NTN1: variants seen among roughly 807,000 people sequenced by gnomAD.
NTN1 encodes the protein netrin 1, also known as netrin-1.
A neutral mutation model predicts 54.2 loss-of-function variants in NTN1; 11 were observed. The observed-to-expected ratio is 0.20, with a 90% CI of 0.13 to 0.34. NTN1 has a LOEUF of 0.34. NTN1 is among the 10% of genes least tolerant of loss of function. The pLI, the probability that NTN1 is intolerant of heterozygous loss-of-function variation, is 1.00. For missense variants in NTN1, 740 were observed against 893.1 expected (o/e 0.83, Z 2.18); for synonymous variants, 371 against 382.0 (o/e 0.97, Z 0.33).
chr17:9,060,629 G>A (rs753524164), intron 2 of NTN1, among the ~76,000 whole-genome samples: 2 of 152,076 alleles, frequency 1.3e-5, no homozygotes, highest in African/African-American at 2.4e-5. Flanking sequence ...CAAACAGCAC[G>A]GGGACTCATA....
At chr17:9,157,307 C>G (rs1209641226) in intron 2 of NTN1, among the ~76,000 whole-genome samples, 1 of 151,500 alleles carries the variant, frequency 6.6e-6, no homozygotes, top group East Asian at 1.9e-4. Context: ...GTGTATCTCA[C>G]ATAGCCTGTA....
At chr17:9,011,059 T>A in the NTN1 span, among the ~76,000 whole-genome samples, 1 of 152,060 alleles carries the variant, frequency 6.6e-6, no homozygotes, top group Non-Finnish European at 1.5e-5. Context: ...CCTAGATCCT[T>A]CTCATGTGCA....
chr17:9,018,073 G>C (rs2091835448), upstream of NTN1, among the ~76,000 whole-genome samples: 2 of 152,142 alleles, frequency 1.3e-5, no homozygotes. Context: ...TAACAGAGAG[G>C]GGGGTTTGGA....
At chr17:9,090,584 A>G (rs871827) in intron 2 of NTN1, among the ~76,000 whole-genome samples, 1 of 151,998 alleles carries the variant, frequency 6.6e-6, no homozygotes, top group Non-Finnish European at 1.5e-5. Context: ...AGGGGGATAC[A>G]GATGCCGGTT....
chr17:9,199,788 A>G (rs1472849821), intron 5 of NTN1, among the ~76,000 whole-genome samples: 3 of 152,246 alleles, frequency 2.0e-5, no homozygotes, highest in African/African-American at 7.2e-5. Context: ...AACAACATAT[A>G]GTCTTCACTG....
At chr17:9,021,105 G>C (rs1469998095), upstream of NTN1, among the ~76,000 whole-genome samples, 1 of 152,156 alleles carries the variant, frequency 6.6e-6, no homozygotes, top group African/African-American at 2.4e-5. Context: ...AACAAACACA[G>C]ATGTGTTTGG....
chr17:9,131,982 T>G (rs1427101029), intron 2 of NTN1, among the ~76,000 whole-genome samples: 3 of 151,078 alleles, frequency 2.0e-5, no homozygotes, highest in African/African-American at 7.4e-5. Context: ...TTTTGTATTT[T>G]TTTTTTTTTT....
chr17:9,085,382 GT>G (rs1299150250), intron 2 of NTN1, among the ~76,000 whole-genome samples: 1 of 152,346 alleles, frequency 6.6e-6, no homozygotes, highest in East Asian at 1.9e-4. Context: ...CTTTAAGGAA[GT>G]GAAGTGGAAG....
chr17:9,119,847 T>C (rs1204382924), intron 2 of NTN1, among the ~76,000 whole-genome samples: 1 of 152,152 alleles, frequency 6.6e-6, no homozygotes. Context: ...TGGTGCTCAT[T>C]GTGGTTTTGG....
chr17:9,084,301 A>G (rs1223889048), intron 2 of NTN1, among the ~76,000 whole-genome samples: 1 of 152,170 alleles, frequency 6.6e-6, no homozygotes, highest in African/African-American at 2.4e-5. Context: ...GGCTTTCACT[A>G]ACATGCTGGG....
chr17:9,166,168 C>T (rs1396759318), intron 3 of NTN1, among the ~76,000 whole-genome samples: 3 of 71,844 alleles, frequency 4.2e-5, no homozygotes, highest in Non-Finnish European at 6.4e-5. Context: ...ACCACCACCA[C>T]CACCACCACC....
chr17:9,227,616 TACAC>T (rs71970937), intron 6 of NTN1, among the ~76,000 whole-genome samples: 1 of 146,638 alleles, frequency 6.8e-6, no homozygotes, highest in East Asian at 2.1e-4. Context: ...ACACATCAGA[TACAC>T]AGACTATCAC....
At position 9,163,017 on chromosome 17, in the gene NTN1, C is replaced by CGGGGCGG; in HGVS notation, c.1207+22_1207+28dup. The stretch of plus-strand genomic sequence containing the variant: ...GCCTGCAAAGGTGGGCTACACGTGG[C>CGGGGCGG]GGGGCGGGGGGCTGGGGAGACCCGG... On this transcript the variant is annotated intron_variant, in intron 3 of 6. Transcript: ENST00000173229. 6.4e-7 allele frequency: 1 copy of CGGGGCGG among 1,566,860 alleles called. No homozygotes were observed. The highest frequency in any genetic ancestry group is 8.7e-7 in the Non-Finnish European group (1 of 1,147,306).
At chr17:9,169,082 G>A (rs1364952260) in intron 3 of NTN1, among the ~76,000 whole-genome samples, 3 of 152,212 alleles carry the variant, frequency 2.0e-5, no homozygotes, top group Non-Finnish European at 4.4e-5. Context: ...TCCCTTGGGA[G>A]ACATGAGCAT....
chr17:9,192,015 T>C (rs1473998518), intron 5 of NTN1, among the ~76,000 whole-genome samples: 1 of 151,860 alleles, frequency 6.6e-6, no homozygotes, highest in African/African-American at 2.4e-5. Flanking sequence ...TGACACTGTT[T>C]GGAAAATAAA....
intron 2 of NTN1, among the ~76,000 whole-genome samples, chr17:9,069,746 G>A (rs1257272318): frequency 6.6e-6 from 1 of 152,158 alleles, no homozygotes; most frequent in Admixed American, 6.5e-5. Flanking sequence ...GGTGGCAGGG[G>A]CTTCCAGTTC....
At chr17:9,213,901 T>C (rs1209654391) in intron 5 of NTN1, among the ~76,000 whole-genome samples, 1 of 152,224 alleles carries the variant, frequency 6.6e-6, no homozygotes, top group Non-Finnish European at 1.5e-5. Flanking sequence ...ATTTCCAAGA[T>C]TTTTAGGCTA....
chr17:9,238,403 C>G (rs866888872), intron 6 of NTN1, among the ~76,000 whole-genome samples: 3 of 152,188 alleles, frequency 2.0e-5, no homozygotes, highest in Middle Eastern at 3.4e-3. Context: ...AGGGTGGGAT[C>G]AGTGAGGGGA....
intron 2 of NTN1, among the ~76,000 whole-genome samples, chr17:9,111,971 T>G (rs1217673138): frequency 6.6e-6 from 1 of 152,236 alleles, no homozygotes; most frequent in Non-Finnish European, 1.5e-5. Flanking sequence ...ATTTTAGTTG[T>G]CTATTGAACT....
Sources: gnomAD v4.1 joint callset for allele counts (sites outside exome capture counted in the v4.1 genomes callset) on GRCh38, gnomAD v4.1.1 for gene constraint, MANE v1.5 for transcripts, NCBI Gene and HGNC (gene_info 2026-07-23, HGNC 2026-07-21) for gene names.